FHIT: variants seen among roughly 807,000 people sequenced by gnomAD.
FHIT encodes fragile histidine triad diadenosine triphosphatase.
A neutral mutation model predicts 17.9 loss-of-function variants in FHIT; 19 were observed. The observed-to-expected ratio is 1.06, with a 90% CI of 0.74 to 1.56. The LOEUF is 1.56. FHIT is among the 40% of genes most tolerant of loss of function. FHIT has a pLI of 0.00. For missense variants in FHIT, 248 were observed against 189.2 expected (o/e 1.31, Z -1.82); for synonymous variants, 81 against 69.7 (o/e 1.16, Z -0.81).
At chr3:60,967,490 A>C (rs1437640997) in intron 3 of FHIT, among the ~76,000 whole-genome samples, 1 of 152,234 alleles carries the variant, frequency 6.6e-6, no homozygotes, top group African/African-American at 2.4e-5. Context: ...TGACTCTTTG[A>C]AAATAATATA....
At chr3:60,672,722 T>C (rs1266720661) in intron 4 of FHIT, among the ~76,000 whole-genome samples, 2 of 152,226 alleles carry the variant, frequency 1.3e-5, no homozygotes, top group Non-Finnish European at 2.9e-5. Context: ...TGTAATGATA[T>C]AATTCAGTTT....
chr3:59,899,139 C>G (rs9850852), intron 8 of FHIT, among the ~76,000 whole-genome samples: 19,908 of 152,202 alleles, frequency 0.13, 1,895 homozygotes, highest in African/African-American at 0.27. Flanking sequence ...CCTTGGGCAA[C>G]TGACATAACC....
chr3:60,560,358 C>T (rs1013027511), intron 4 of FHIT, among the ~76,000 whole-genome samples: 2 of 151,950 alleles, frequency 1.3e-5, no homozygotes, highest in Non-Finnish European at 2.9e-5. Flanking sequence ...TCCTTAAGGG[C>T]TGGGAATACG....
chr3:60,348,352 T>C (rs1321388764), intron 5 of FHIT, among the ~76,000 whole-genome samples: 1 of 152,090 alleles, frequency 6.6e-6, no homozygotes, highest in East Asian at 1.9e-4. Context: ...ATATGTTCAA[T>C]AATGTTGAAA....
chr3:61,061,133 C>A (rs772405160), intron 2 of FHIT, among the ~76,000 whole-genome samples: 3 of 152,168 alleles, frequency 2.0e-5, no homozygotes, highest in Non-Finnish European at 4.4e-5. Flanking sequence ...AAATACAGGA[C>A]TTGTTGTCAG....
At chr3:60,657,142 T>C (rs1483992784) in intron 4 of FHIT, among the ~76,000 whole-genome samples, 2 of 152,184 alleles carry the variant, frequency 1.3e-5, no homozygotes, top group Non-Finnish European at 2.9e-5. Flanking sequence ...TGAATTATGT[T>C]TATCCTTAAG....
intron 4 of FHIT, among the ~76,000 whole-genome samples, chr3:60,615,660 ACC>A (rs782717468): frequency 6.6e-6 from 1 of 152,198 alleles, no homozygotes; most frequent in Non-Finnish European, 1.5e-5. Flanking sequence ...TATGTGTACA[ACC>A]CTCTGCCAGA....
At chr3:60,660,343 C>G (rs2040210992) in intron 4 of FHIT, among the ~76,000 whole-genome samples, 1 of 152,102 alleles carries the variant, frequency 6.6e-6, no homozygotes, top group South Asian at 2.1e-4. Context: ...TTTGCACACC[C>G]TGGCTCCCAT....
At chr3:61,000,610 G>A (rs998672832) in intron 3 of FHIT, among the ~76,000 whole-genome samples, 17 of 152,288 alleles carry the variant, frequency 1.1e-4, no homozygotes, top group African/African-American at 4.1e-4. Flanking sequence ...TCAACGGGAA[G>A]TGATAAAGAA....
chr3:60,396,861 A>G (rs1456939455), intron 5 of FHIT, among the ~76,000 whole-genome samples: 1 of 152,184 alleles, frequency 6.6e-6, no homozygotes, highest in Non-Finnish European at 1.5e-5. Flanking sequence ...ATACATATAA[A>G]GAATTTTTTT....
chr3:59,766,535 T>C (rs559067799), intron 8 of FHIT, among the ~76,000 whole-genome samples: 1 of 152,368 alleles, frequency 6.6e-6, no homozygotes, highest in East Asian at 1.9e-4. Context: ...GTCTGTGAGA[T>C]AGTCATCCAA....
chr3:60,387,205 G>A (rs1403518808), intron 5 of FHIT, among the ~76,000 whole-genome samples: 1 of 151,840 alleles, frequency 6.6e-6, no homozygotes, highest in African/African-American at 2.4e-5. Flanking sequence ...CAGCTAGGCT[G>A]GTCTGGAACT....
At position 61,036,488 on chromosome 3, in the gene FHIT, G is replaced by A. The variant is rs115950229; in HGVS notation, c.-111+5559C>T. Among the ~76,000 whole-genome samples, 1,387 of 152,188 alleles carry A rather than the reference G, an allele frequency of 9.1e-3. 13 individuals carry two copies. Among genetic ancestry groups the A allele is most frequent in the Admixed American group, 0.013 (197 of 15,282 alleles). On this transcript the variant is annotated intron_variant, in intron 3 of 9. Transcript: ENST00000492590. ...CAAATGTTCCTCTTATCATTGAAGG[G>A]GCTGAACAATAATTTGACCCAAAAG...
chr3:60,617,046 C>G (rs147083733), intron 4 of FHIT: 19 of 209,134 alleles, frequency 9.1e-5, no homozygotes, highest in Middle Eastern at 1.0e-3. Context: ...GAAGTGGATA[C>G]TGACATGGCA....
intron 8 of FHIT, among the ~76,000 whole-genome samples, chr3:59,825,423 C>T (rs1700943110): frequency 6.6e-6 from 1 of 152,124 alleles, no homozygotes; most frequent in South Asian, 2.1e-4. Context: ...TAGTTGAGTT[C>T]TGTTGTGGTT....
intron 4 of FHIT, among the ~76,000 whole-genome samples, chr3:60,696,786 G>C (rs985547968): frequency 1.3e-5 from 2 of 152,054 alleles, no homozygotes; most frequent in Non-Finnish European, 1.5e-5. Context: ...TCCATTTACT[G>C]GTAAACATTA....
intron 5 of FHIT, among the ~76,000 whole-genome samples, chr3:60,425,860 A>C (rs965154794): frequency 1.3e-5 from 2 of 152,114 alleles, no homozygotes; most frequent in African/African-American, 4.8e-5. Flanking sequence ...ATATATATTT[A>C]TTGATAGCCA....
chr3:60,745,667 T>C (rs782440603), intron 4 of FHIT, among the ~76,000 whole-genome samples: 13 of 152,246 alleles, frequency 8.5e-5, no homozygotes, highest in Non-Finnish European at 1.5e-4. Context: ...AATTTGGACT[T>C]GGATGGTATG....
At chr3:60,327,542 C>A (rs1210656861) in intron 5 of FHIT, among the ~76,000 whole-genome samples, 1 of 152,214 alleles carries the variant, frequency 6.6e-6, no homozygotes, top group Non-Finnish European at 1.5e-5. Context: ...TAGTTGCCAA[C>A]TCCATTGTAG....
Sources: gnomAD v4.1 joint callset for allele counts (sites outside exome capture counted in the v4.1 genomes callset) on GRCh38, gnomAD v4.1.1 for gene constraint, MANE v1.5 for transcripts, NCBI Gene and HGNC (gene_info 2026-07-23, HGNC 2026-07-21) for gene names.